GUCY1A2: variants seen among roughly 807,000 people sequenced by gnomAD.
The protein encoded by GUCY1A2 is guanylate cyclase 1 soluble subunit alpha 2, also known as guanylate cyclase soluble subunit alpha-2.
A neutral mutation model predicts 63.5 loss-of-function variants in GUCY1A2; 27 were observed. The ratio of observed to expected loss-of-function variants is 0.43; its 90% confidence interval spans 0.31 to 0.59. The LOEUF (loss-of-function observed/expected upper bound fraction) is 0.59. Among genes scored for constraint, GUCY1A2 ranks in the 20% least tolerant of loss-of-function variants. The pLI is 0.11. For missense variants in GUCY1A2, 768 were observed against 913.3 expected, an observed-to-expected ratio of 0.84 and a Z score of 2.05; for synonymous variants, 364 against 343.5, an observed-to-expected ratio of 1.06 and a Z score of -0.66.
At chr11:106,764,098 A>G (rs2135393599) in intron 6 of GUCY1A2, among the ~76,000 whole-genome samples, 1 of 152,168 alleles carries the variant, frequency 6.6e-6, no homozygotes, top group African/African-American at 2.4e-5. Flanking sequence ...TTTTCTTCAG[A>G]TATTTTGAAA....
chr11:106,820,644 C>T (rs780497560), intron 4 of GUCY1A2, among the ~76,000 whole-genome samples: 2 of 152,084 alleles, frequency 1.3e-5, no homozygotes, highest in African/African-American at 2.4e-5. Flanking sequence ...ATGATCCACC[C>T]GCCTCAGCCT....
Position 107,018,085 on chromosome 11 carries a change from G to T in GUCY1A2, c.-30C>A. The T allele has an allele frequency of 2.1e-6, 3 of 1,400,984 alleles. No individual in the cohort carries two copies. Among genetic ancestry groups the T allele is most frequent in the Non-Finnish European group, 1.9e-6 (2 of 1,061,442 alleles). The allele number at this position is 1,400,984 out of a possible 1,614,324, so 86.8% of individuals were successfully genotyped here. ...CCGGCGGAGCTGCAGCGGCCGAGGCGGTGGCGGCGAGGACGCGAGCGGCGG... is the reference window on the plus strand; with the variant it reads ...CCGGCGGAGCTGCAGCGGCCGAGGCTGTGGCGGCGAGGACGCGAGCGGCGG... On this transcript the variant is annotated 5_prime_UTR_variant, in exon 1 of 8. Transcript: ENST00000526355.
At chr11:106,702,938 T>TATC (rs1258208144) in intron 7 of GUCY1A2, among the ~76,000 whole-genome samples, 4 of 152,190 alleles carry the variant, frequency 2.6e-5, no homozygotes, top group Non-Finnish European at 5.9e-5. Context: ...TTCTTGGGTG[T>TATC]ATCTTTGAGA....
intron 4 of GUCY1A2, among the ~76,000 whole-genome samples, chr11:106,901,614 G>A (rs1209828616): frequency 6.6e-6 from 1 of 151,832 alleles, no homozygotes; most frequent in African/African-American, 2.4e-5. Context: ...ATTTACATTA[G>A]GTATATCTCC....
At chr11:106,995,616 A>G (rs570121864) in intron 1 of GUCY1A2, among the ~76,000 whole-genome samples, 37 of 152,360 alleles carry the variant, frequency 2.4e-4, no homozygotes, top group Non-Finnish European at 5.1e-4. Flanking sequence ...GGGCTGTTGA[A>G]AGATCAAAAT....
chr11:106,918,514 T>C (rs1227876799), intron 4 of GUCY1A2, among the ~76,000 whole-genome samples: 2 of 145,498 alleles, frequency 1.4e-5, no homozygotes, highest in African/African-American at 4.9e-5. Context: ...ACATCAGACA[T>C]ACATAAACAC....
chr11:106,957,391 G>A (rs1861000468), intron 3 of GUCY1A2, among the ~76,000 whole-genome samples: 1 of 152,164 alleles, frequency 6.6e-6, no homozygotes, highest in Admixed American at 6.5e-5. Context: ...GTAAGAATCT[G>A]CATGTTCCAA....
chr11:106,720,142 A>G (rs1266224226), intron 6 of GUCY1A2, among the ~76,000 whole-genome samples: 1 of 152,214 alleles, frequency 6.6e-6, no homozygotes, highest in African/African-American at 2.4e-5. Context: ...CCTCAGACTT[A>G]ATGCATTCCA....
chr11:106,792,247 T>C (rs1399035789), intron 5 of GUCY1A2, among the ~76,000 whole-genome samples: 2 of 151,672 alleles, frequency 1.3e-5, no homozygotes, highest in Admixed American at 1.3e-4. Flanking sequence ...TTAGCCAGGC[T>C]CAGTGGTGGG....
intron 4 of GUCY1A2, among the ~76,000 whole-genome samples, chr11:106,901,004 A>C (rs1394816565): frequency 6.6e-6 from 1 of 152,194 alleles, no homozygotes; most frequent in Non-Finnish European, 1.5e-5. Context: ...ATTGACCCTT[A>C]CTTTATGAAA....
chr11:106,755,152 A>G (rs916579767), intron 6 of GUCY1A2, among the ~76,000 whole-genome samples: 5 of 152,102 alleles, frequency 3.3e-5, no homozygotes, highest in African/African-American at 1.2e-4. Flanking sequence ...TGTTTATAGT[A>G]TTCTCTGATG....
At chr11:106,939,393 T>G in intron 4 of GUCY1A2, 67 bp downstream of exon 4, 4 of 803,594 alleles carry the variant, frequency 5.0e-6, no homozygotes, top group Non-Finnish European at 8.3e-6. Flanking sequence ...ACAGCCACCA[T>G]GTAATTTACT....
chr11:106,721,197 T>C (rs1042663605), intron 6 of GUCY1A2, among the ~76,000 whole-genome samples: 3 of 151,878 alleles, frequency 2.0e-5, no homozygotes, highest in African/African-American at 7.3e-5. Context: ...TAGCTGGGAC[T>C]ACAGGCGTGC....
chr11:106,877,775 T>G (rs1194846912), intron 4 of GUCY1A2, among the ~76,000 whole-genome samples: 2 of 151,948 alleles, frequency 1.3e-5, no homozygotes, highest in African/African-American at 4.8e-5. Flanking sequence ...AATTGACAAA[T>G]GGGATATAAT....
chr11:106,877,489 C>T (rs959856167), intron 4 of GUCY1A2, among the ~76,000 whole-genome samples: 3 of 152,000 alleles, frequency 2.0e-5, no homozygotes. Flanking sequence ...GAAATAAGGC[C>T]ATACACCTAT....
rs1426731653 is a variant in GUCY1A2 at position 107,017,872 on chromosome 11, T to TCGGGGCCGGGGC, written c.172_183dup (p.Ala58_Pro61dup). 177 of 1,248,332 alleles carry TCGGGGCCGGGGC rather than the reference T, an allele frequency of 1.4e-4. No individual in the cohort carries two copies. The highest frequency in any genetic ancestry group is 1.7e-4 in the Non-Finnish European group (170 of 995,148). 77.3% of individuals were successfully genotyped at this position (1,248,332 alleles called of 1,614,324 possible). A position where few individuals can be genotyped will look rare whatever the true frequency, so the allele number is the denominator to read the frequency against. On this transcript the variant is annotated inframe_insertion, in exon 1 of 8. Coordinates refer to ENST00000526355, the MANE Select transcript of GUCY1A2 (RefSeq NM_000855.3). ...GCGGCGGCGGCAGAAGCAGCCGGGGTCGGGGCCGGGGCGGCGGCAGCGGCA... is the reference window on the plus strand; with the variant it reads ...GCGGCGGCGGCAGAAGCAGCCGGGGTCGGGGCCGGGGCCGGGGCCGGGGCGGCGGCAGCGGCA...
rs1352802063 is a variant in GUCY1A2 at position 106,945,399 on chromosome 11, AC to A, written c.488-5222del. Among the ~76,000 whole-genome samples, 12 of 27,062 alleles carry A rather than the reference AC, an allele frequency of 4.4e-4. No individual in the cohort carries two copies. The East Asian group carries it at 0.13, about 290-fold the overall frequency. 17.8% of individuals were successfully genotyped at this position (27,062 alleles called of 152,430 possible). On this transcript the variant is annotated intron_variant, in intron 3 of 7. Transcript: ENST00000526355. ...ATGAAAAAAAACAAAAACAAAAAAA[AC>A]AAAACAAAAAAACACATTAATCGAT... is the stretch of plus-strand genomic sequence containing the variant.
chr11:106,939,088 G>T (rs572500940), intron 4 of GUCY1A2, among the ~76,000 whole-genome samples: 2 of 152,270 alleles, frequency 1.3e-5, no homozygotes, highest in South Asian at 4.1e-4. Context: ...TGTATTTAAA[G>T]ATATTGCAGT....
intron 4 of GUCY1A2, among the ~76,000 whole-genome samples, chr11:106,823,661 T>C (rs1858931106): frequency 1.3e-5 from 2 of 152,138 alleles, no homozygotes; most frequent in South Asian, 4.1e-4. Flanking sequence ...CCGTCTTCCA[T>C]AGAGGCTGAA....
Sources: gnomAD v4.1 joint callset for allele counts (sites outside exome capture counted in the v4.1 genomes callset) on GRCh38, gnomAD v4.1.1 for gene constraint, MANE v1.5 for transcripts, NCBI Gene and HGNC (gene_info 2026-07-23, HGNC 2026-07-21) for gene names.